The following CFAP58 variants were observed in gnomAD, a reference collection of about 807,000 sequenced individuals.
The protein encoded by CFAP58 is cilia- and flagella-associated protein 58.
In CFAP58, 88 loss-of-function variants were observed where a neutral mutation model predicts 119.5. That is an observed-to-expected ratio of 0.74 (90% CI 0.62 to 0.88). The LOEUF (loss-of-function observed/expected upper bound fraction) is 0.88, where lower values mean the gene tolerates loss of function less well. Ranked by LOEUF, CFAP58 falls within the 40% of genes least tolerant of loss-of-function variation. The pLI, the probability that CFAP58 is intolerant of heterozygous loss-of-function variation, is 0.00. For missense variants in CFAP58, 990 were observed against 1,021.2 expected, an observed-to-expected ratio of 0.97 and a Z score of 0.42; for synonymous variants, 365 against 366.3, an observed-to-expected ratio of 1.00 and a Z score of 0.04.
At chr10:104,451,215 G>T (rs895358241) in intron 17 of CFAP58, among the ~76,000 whole-genome samples, 1 of 152,178 alleles carries the variant, frequency 6.6e-6, no homozygotes, top group African/African-American at 2.4e-5. Flanking sequence ...CAGGGACATG[G>T]TGAAATATGG....
chr10:104,419,563 T>C (rs201838276), intron 15 of CFAP58, among the ~76,000 whole-genome samples: 2 of 142,842 alleles, frequency 1.4e-5, no homozygotes, highest in South Asian at 4.4e-4. Flanking sequence ...ATCTGTGTCC[T>C]TTTTTTTTTT....
intron 6 of CFAP58, among the ~76,000 whole-genome samples, chr10:104,369,463 A>G (rs1007299144): frequency 6.6e-6 from 1 of 152,226 alleles, no homozygotes; most frequent in Non-Finnish European, 1.5e-5. Flanking sequence ...AGGCCTTAAC[A>G]TCGACTAATT....
At chr10:104,387,547 C>T (rs1047457660) in intron 9 of CFAP58, among the ~76,000 whole-genome samples, 16 of 152,140 alleles carry the variant, frequency 1.1e-4, no homozygotes, top group Non-Finnish European at 4.4e-5. Context: ...TTTGTTAAAC[C>T]GTAAGATAAT....
At chr10:104,450,466 A>G (rs1270191732) in intron 17 of CFAP58, among the ~76,000 whole-genome samples, 1 of 152,188 alleles carries the variant, frequency 6.6e-6, no homozygotes, top group Non-Finnish European at 1.5e-5. Context: ...AGGAAATGTA[A>G]TATGACTTTT....
chr10:104,433,324 G>C (rs1021449149), intron 15 of CFAP58, among the ~76,000 whole-genome samples: 2 of 152,170 alleles, frequency 1.3e-5, no homozygotes, highest in African/African-American at 4.8e-5. Context: ...CTGGCCTTAA[G>C]AGATCCTTCC....
At chr10:104,396,056 G>A (rs1303698768) in intron 11 of CFAP58, among the ~76,000 whole-genome samples, 2 of 152,190 alleles carry the variant, frequency 1.3e-5, no homozygotes, top group African/African-American at 2.4e-5. Context: ...GTGACAGGAT[G>A]TCAGTAGTTC....
intron 9 of CFAP58, chr10:104,382,427 C>T (rs2011830197): frequency 4.0e-6 from 2 of 497,336 alleles, no homozygotes; most frequent in Non-Finnish European, 3.6e-6. Flanking sequence ...TGCCATCACA[C>T]CACCATCAGA....
intron 15 of CFAP58, among the ~76,000 whole-genome samples, chr10:104,408,423 G>T (rs1201310758): frequency 6.6e-6 from 1 of 152,160 alleles, no homozygotes; most frequent in African/African-American, 2.4e-5. Context: ...CAATTAGTAC[G>T]TGGCACTGGG....
chr10:104,435,557 A>G (rs552668311), intron 15 of CFAP58, among the ~76,000 whole-genome samples: 4 of 152,288 alleles, frequency 2.6e-5, no homozygotes, highest in East Asian at 1.9e-4. Context: ...ACCACATTTG[A>G]TGGCATCAAA....
intron 6 of CFAP58, among the ~76,000 whole-genome samples, chr10:104,369,937 G>A (rs1380506167): frequency 2.0e-5 from 3 of 152,072 alleles, no homozygotes; most frequent in Non-Finnish European, 4.4e-5. Flanking sequence ...GACAAAAATC[G>A]GGTGCTTTTC....
intron 7 of CFAP58, among the ~76,000 whole-genome samples, chr10:104,372,128 G>A (rs367868642): frequency 3.9e-4 from 60 of 152,218 alleles, no homozygotes; most frequent in African/African-American, 1.3e-3. Context: ...CAAGGCAGGC[G>A]GATCACCTGA....
intron 15 of CFAP58, among the ~76,000 whole-genome samples, chr10:104,447,074 C>G (rs1342904576): frequency 6.6e-6 from 1 of 151,838 alleles, no homozygotes; most frequent in African/African-American, 2.4e-5. Flanking sequence ...ATTGCTCCCT[C>G]GATCTCCTGG....
intron 9 of CFAP58, among the ~76,000 whole-genome samples, chr10:104,390,395 A>T (rs1392239986): frequency 1.3e-5 from 2 of 152,226 alleles, no homozygotes; most frequent in African/African-American, 4.8e-5. Context: ...TTGGCTAAAA[A>T]GTAAAAACAA....
intron 1 of CFAP58, among the ~76,000 whole-genome samples, chr10:104,355,657 T>C (rs2014534321): frequency 1.3e-5 from 2 of 152,192 alleles, no homozygotes; most frequent in East Asian, 1.9e-4. Context: ...AGTGAATAGG[T>C]GAAGAATAAA....
upstream of CFAP58, among the ~76,000 whole-genome samples, chr10:104,350,607 T>C (rs138967200): frequency 6.6e-6 from 1 of 152,356 alleles, no homozygotes; most frequent in East Asian, 1.9e-4. Flanking sequence ...TTGGGTCTTT[T>C]TGTCCTCCTA....
intron 7 of CFAP58, 35 bp downstream of exon 7, chr10:104,371,089 A>G: frequency 6.4e-7 from 1 of 1,573,760 alleles, no homozygotes; most frequent in Non-Finnish European, 8.6e-7. Context: ...ATTTAGAAAC[A>G]TTTTATTGGT....
intron 8 of CFAP58, among the ~76,000 whole-genome samples, chr10:104,377,621 G>T (rs2011697089): frequency 6.6e-6 from 1 of 152,178 alleles, no homozygotes; most frequent in African/African-American, 2.4e-5. Context: ...CTGGGTGGTT[G>T]TGGGGGATGG....
intron 11 of CFAP58, among the ~76,000 whole-genome samples, chr10:104,398,924 G>C (rs886980753): frequency 6.6e-6 from 1 of 152,140 alleles, no homozygotes; most frequent in African/African-American, 2.4e-5. Flanking sequence ...TACCTTTGCA[G>C]TTCGTGTGCT....
intron 17 of CFAP58, among the ~76,000 whole-genome samples, chr10:104,451,848 C>A (rs537457408): frequency 2.6e-5 from 4 of 152,166 alleles, no homozygotes; most frequent in Non-Finnish European, 5.9e-5. Context: ...CATGTCTCAG[C>A]CTCCCAAATA....
Sources: allele counts gnomAD v4.1 joint callset (sites outside exome capture counted in the v4.1 genomes callset), GRCh38; gene constraint gnomAD v4.1.1; transcripts MANE v1.5; gene names NCBI Gene and HGNC (gene_info 2026-07-23, HGNC 2026-07-21).